SEMA4B: variants seen among roughly 807,000 people sequenced by gnomAD.
The protein encoded by SEMA4B is semaphorin 4B, also known as semaphorin-4B.
In SEMA4B, 55 loss-of-function variants were observed where a neutral mutation model predicts 88.1. The observed-to-expected ratio is 0.62, with a 90% CI of 0.50 to 0.78. The LOEUF is 0.78. Ranked by LOEUF, SEMA4B falls within the 30% of genes least tolerant of loss-of-function variation. SEMA4B has a pLI of 0.00. For synonymous variants in SEMA4B, 525 were observed against 473.6 expected (o/e 1.11, Z -1.41); for missense variants, 1,062 against 1,111.9 (o/e 0.96, Z 0.64).
chr15:90,221,810 A>G, intron 7 of SEMA4B, 45 bp downstream of exon 7: 1 of 1,590,202 alleles, frequency 6.3e-7, no homozygotes, highest in East Asian at 2.3e-5. Context: ...GGGACCTCAA[A>G]GCCTCCACAG....
chr15:90,206,438 A>G (rs1409296450), intron 1 of SEMA4B: 1 of 209,414 alleles, frequency 4.8e-6, no homozygotes, highest in Non-Finnish European at 9.5e-6. Flanking sequence ...TGGATGTGGG[A>G]CAGCTATCCT....
At chr15:90,209,740 A>G (rs1292115650) in intron 1 of SEMA4B, among the ~76,000 whole-genome samples, 3 of 152,194 alleles carry the variant, frequency 2.0e-5, no homozygotes, top group Non-Finnish European at 4.4e-5. Context: ...CTCCTGGAGG[A>G]GGTGGAACTG....
intron 1 of SEMA4B, among the ~76,000 whole-genome samples, chr15:90,213,886 A>G (rs1333317487): frequency 6.6e-6 from 1 of 152,178 alleles, no homozygotes; most frequent in Non-Finnish European, 1.5e-5. Context: ...CTCCCGTGAC[A>G]TGTATGAGAA....
At chr15:90,208,677 CTT>C (rs1328146832) in intron 1 of SEMA4B, among the ~76,000 whole-genome samples, 1 of 152,176 alleles carries the variant, frequency 6.6e-6, no homozygotes, top group Non-Finnish European at 1.5e-5. Flanking sequence ...GTCCGTGAAG[CTT>C]GTTTCTTGTC....
chr15:90,201,228 C>T, upstream of SEMA4B: 2 of 828,876 alleles, frequency 2.4e-6, no homozygotes, highest in Non-Finnish European at 2.9e-6. Flanking sequence ...GCGCCCCGAG[C>T]TGCCGCCCCT....
chr15:90,206,313 C>T (rs960388854), intron 1 of SEMA4B, among the ~76,000 whole-genome samples: 2 of 152,182 alleles, frequency 1.3e-5, no homozygotes, highest in Non-Finnish European at 2.9e-5. Context: ...GTGGTCGAGG[C>T]CTGCCTTCCC....
chr15:90,189,212 T>G (rs1960274788), intron 1 of SEMA4B, among the ~76,000 whole-genome samples: 2 of 149,568 alleles, frequency 1.3e-5, no homozygotes, highest in Admixed American at 6.7e-5. Flanking sequence ...GAAGAAAAGG[T>G]AGGAAGGAGG....
At chr15:90,216,109 C>T (rs1019630111) in intron 1 of SEMA4B, among the ~76,000 whole-genome samples, 5 of 151,824 alleles carry the variant, frequency 3.3e-5, no homozygotes, top group African/African-American at 1.2e-4. Context: ...CTGCCTCAGC[C>T]TCCCGAGTAG....
chr15:90,190,926 C>G (rs535290565), intron 1 of SEMA4B, among the ~76,000 whole-genome samples: 1 of 152,316 alleles, frequency 6.6e-6, no homozygotes, highest in East Asian at 1.9e-4. Flanking sequence ...CAGGAGCACA[C>G]CACCACACCT....
chr15:90,218,798 A>G (rs1961661014), intron 3 of SEMA4B, among the ~76,000 whole-genome samples: 1 of 152,258 alleles, frequency 6.6e-6, no homozygotes, highest in Non-Finnish European at 1.5e-5. Context: ...CCTGGATGAC[A>G]GAATGAGACT....
intron 1 of SEMA4B, among the ~76,000 whole-genome samples, chr15:90,204,605 C>G (rs1960901957): frequency 6.6e-6 from 1 of 152,114 alleles, no homozygotes; most frequent in Non-Finnish European, 1.5e-5. Flanking sequence ...TTGGAACTAC[C>G]ATGCAGAGCT....
At chr15:90,220,768 G>A (rs571330268) in intron 4 of SEMA4B, among the ~76,000 whole-genome samples, 80 of 152,196 alleles carry the variant, frequency 5.3e-4, no homozygotes, top group Non-Finnish European at 8.8e-4. Context: ...CTGTGTCTGG[G>A]TGAGGCCTCT....
rs1293373909 is a variant in SEMA4B at position 90,227,597 on chromosome 15, C to T, written c.1729C>T (p.Leu577Phe). The change falls in exon 13 of 14, where the codon CTT becomes TTT. Residue 577 changes from leucine (L) to phenylalanine (F), a missense_variant. Leu to Phe is a conservative substitution (Grantham distance 22). Coordinates refer to ENST00000411539, the MANE Select transcript of SEMA4B (RefSeq NM_198925.4). ...QDIEGASAKD[L>F]CSASSVVSPS... ...CATCGAGGGAGCCAGCGCCAAGGAC[C>T]TTTGCAGCGCGTCTTCGGTTGTGTC... is the stretch of plus-strand genomic sequence containing the variant. 1.9e-6 allele frequency: 3 copies of T among 1,614,036 alleles called. No homozygotes were observed. Among genetic ancestry groups the T allele is most frequent in the Admixed American group, 3.3e-5 (2 of 60,024 alleles).
chr15:90,217,250 A>G (rs1596146191), intron 1 of SEMA4B, 189 bp from the exon 2 acceptor site: 1 of 561,388 alleles, frequency 1.8e-6, no homozygotes, highest in Admixed American at 3.3e-5. Context: ...ATCATTTCTT[A>G]TGTAATGTTT....
chr15:90,225,030 G>A lies in SEMA4B; in HGVS notation c.1257G>A (p.Val419=). Residue 419 remains valine (V), a synonymous_variant, in exon 10 of 14, where the codon GTG becomes GTA. Transcript: ENST00000411539. ...INSSLQLPDR[V]LNFLKDHFLM... ...CATCCCTGCAGCTCCCAGACCGCGT[G>A]CTGAACTTCCTCAAGGACCACTTCC... 6.2e-7 allele frequency: 1 copy of A among 1,613,964 alleles called. No homozygotes were observed. Among genetic ancestry groups the A allele is most frequent in the Non-Finnish European group, 8.5e-7 (1 of 1,179,862 alleles).
At chr15:90,219,935 C>G in intron 4 of SEMA4B, 44 bp downstream of exon 4, 1 of 1,426,810 alleles carries the variant, frequency 7.0e-7, no homozygotes, top group Non-Finnish European at 9.8e-7. Context: ...TGGGAACTGC[C>G]CCTCTTTCTG....
upstream of SEMA4B, among the ~76,000 whole-genome samples, chr15:90,201,018 G>A (rs1259116327): frequency 6.6e-6 from 1 of 152,208 alleles, no homozygotes; most frequent in African/African-American, 2.4e-5. Context: ...TAACTCCCTA[G>A]GCGCATAGCG....
rs1339461920 is a variant in SEMA4B, at chr15:90,212,656, A to ACC, written c.158-4782_158-4781insCC. Among the ~76,000 whole-genome samples, 1 of 151,998 alleles carries ACC rather than the reference A, an allele frequency of 6.6e-6. No homozygotes were observed. Among genetic ancestry groups the ACC allele is most frequent in the Non-Finnish European group, 1.5e-5 (1 of 67,980 alleles). ...TGCGGTACCGTGTACACACACACAC[A>ACC]CACACACACACCACAGGCAAGCTCA... On this transcript the variant is annotated intron_variant, in intron 1 of 13. Coordinates refer to ENST00000411539, the MANE Select transcript of SEMA4B (RefSeq NM_198925.4). The surrounding 1 kb of genome is among the most constrained non-coding windows in gnomAD (Gnocchi z 4.0).
At position 90,212,700 on chromosome 15, in the gene SEMA4B, C is replaced by T. The variant is rs78141882; in HGVS notation, c.158-4739C>T. On this transcript the variant is annotated intron_variant, in intron 1 of 13. Coordinates refer to ENST00000411539, the MANE Select transcript of SEMA4B (RefSeq NM_198925.4). The surrounding 1 kb of genome is among the most constrained non-coding windows in gnomAD (Gnocchi z 4.0). ...AAGCTCAGGCAGGGTCCTTCACAGACGTCTGCAGTCACTCTGGAGGTGACC... is the reference window on the plus strand; with the variant it reads ...AAGCTCAGGCAGGGTCCTTCACAGATGTCTGCAGTCACTCTGGAGGTGACC... 0.16 allele frequency among the ~76,000 whole-genome samples: 23,800 copies of T among 152,066 alleles called. 2,716 individuals carry two copies. The highest frequency in any genetic ancestry group is 0.63 in the East Asian group (3,240 of 5,152).
Sources: gnomAD v4.1 joint callset for allele counts (sites outside exome capture counted in the v4.1 genomes callset) on GRCh38, gnomAD v4.1.1 for gene constraint, Gnocchi (gnomAD v3.1) non-coding constraint, MANE v1.5 for transcripts, NCBI Gene and HGNC (gene_info 2026-07-23, HGNC 2026-07-21) for gene names.